Variants in B3GALT1 observed in about 807,000 individuals in gnomAD.
The protein encoded by B3GALT1 is beta-1,3-galactosyltransferase 1, also known as UDP-Gal:betaGlcNAc beta 1,3-galactosyltransferase, polypeptide 1.
A neutral mutation model predicts 23.2 loss-of-function variants in B3GALT1; 10 were observed. The observed-to-expected ratio is 0.43, with a 90% CI of 0.27 to 0.73. The LOEUF is 0.73. B3GALT1 is among the 30% of genes least tolerant of loss of function. The probability of loss-of-function intolerance (pLI) is 0.21; values close to 1 mark genes in which losing one functional copy is unlikely to be tolerated. For synonymous variants in B3GALT1, 156 were observed against 141.5 expected (o/e 1.10, Z -0.73); for missense variants, 299 against 405.4 (o/e 0.74, Z 2.25).
chr2:167,514,485 G>A (rs1464633956), intron 2 of B3GALT1, among the ~76,000 whole-genome samples: 1 of 151,970 alleles, frequency 6.6e-6, no homozygotes, highest in Admixed American at 6.6e-5. Flanking sequence ...TCCCTTTAAT[G>A]TCCCCCATTG....
chr2:167,408,243 A>G (rs1698337035), intron 1 of B3GALT1, among the ~76,000 whole-genome samples: 1 of 152,236 alleles, frequency 6.6e-6, no homozygotes, highest in African/African-American at 2.4e-5. Context: ...AATGCAATAT[A>G]TCACATTAAC....
intron 1 of B3GALT1, among the ~76,000 whole-genome samples, chr2:167,322,272 T>G (rs1696825943): frequency 6.6e-6 from 1 of 151,544 alleles, no homozygotes; most frequent in African/African-American, 2.4e-5. Flanking sequence ...AGAACATTCC[T>G]AAAAATATAT....
At chr2:167,568,972 A>G (rs951521401) in intron 2 of B3GALT1, among the ~76,000 whole-genome samples, 2 of 151,966 alleles carry the variant, frequency 1.3e-5, no homozygotes, top group Non-Finnish European at 2.9e-5. Flanking sequence ...CCATTTGTTG[A>G]AAAGACCATC....
intron 1 of B3GALT1, among the ~76,000 whole-genome samples, chr2:167,443,423 A>T (rs911718160): frequency 8.5e-5 from 13 of 152,148 alleles, no homozygotes; most frequent in East Asian, 1.9e-4. Flanking sequence ...AAGTCATCGG[A>T]AGCTTGATGG....
At chr2:167,731,014 A>G (rs1298050399) in intron 3 of B3GALT1, among the ~76,000 whole-genome samples, 1 of 152,204 alleles carries the variant, frequency 6.6e-6, no homozygotes, top group Admixed American at 6.5e-5. Context: ...GTAAGAGATC[A>G]TGTAAGCCCC....
At chr2:167,837,734 GCACCA>G (rs1285372122) in intron 4 of B3GALT1, among the ~76,000 whole-genome samples, 1 of 145,946 alleles carries the variant, frequency 6.9e-6, no homozygotes, top group Admixed American at 6.9e-5. Context: ...ATTTTTTTCA[GCACCA>G]CACCACACCT....
intron 3 of B3GALT1, among the ~76,000 whole-genome samples, chr2:167,733,066 A>G (rs1454928891): frequency 2.0e-5 from 3 of 152,212 alleles, no homozygotes; most frequent in African/African-American, 7.2e-5. Context: ...AAATCTAACC[A>G]TCGGGGGTTT....
intron 1 of B3GALT1, among the ~76,000 whole-genome samples, chr2:167,367,467 G>A (rs560732065): frequency 2.0e-5 from 3 of 152,212 alleles, no homozygotes; most frequent in East Asian, 1.9e-4. Flanking sequence ...CCTCTCATTC[G>A]TATTACCATA....
At chr2:167,451,051 G>T (rs1399417020) in intron 1 of B3GALT1, among the ~76,000 whole-genome samples, 1 of 151,832 alleles carries the variant, frequency 6.6e-6, no homozygotes, top group African/African-American at 2.4e-5. Context: ...AGTTGTGATT[G>T]TTTTTATTTA....
chr2:167,812,004 G>A (rs756578223), intron 3 of B3GALT1, among the ~76,000 whole-genome samples: 1 of 152,042 alleles, frequency 6.6e-6, no homozygotes, highest in Non-Finnish European at 1.5e-5. Flanking sequence ...CTATTCTCTC[G>A]CCCATTTTCC....
At chr2:167,304,174 C>T (rs1696507217) in intron 1 of B3GALT1, among the ~76,000 whole-genome samples, 2 of 152,146 alleles carry the variant, frequency 1.3e-5, no homozygotes. Context: ...GCAATTTCAG[C>T]CCTGCAGATA....
chr2:167,850,283 A>C (rs71430603), intron 4 of B3GALT1, among the ~76,000 whole-genome samples: 5,555 of 152,338 alleles, frequency 0.036, 154 homozygotes, highest in East Asian at 0.13. Context: ...GCCAACAAGC[A>C]TATGAAAAAA....
chr2:167,849,841 G>C (rs1402862585), intron 4 of B3GALT1, among the ~76,000 whole-genome samples: 1 of 145,388 alleles, frequency 6.9e-6, no homozygotes, highest in Non-Finnish European at 1.5e-5. Flanking sequence ...AGTGAGCCGA[G>C]ATCGCGCCAC....
intron 2 of B3GALT1, among the ~76,000 whole-genome samples, chr2:167,568,935 G>C (rs1401423926): frequency 6.6e-6 from 1 of 151,822 alleles, no homozygotes; most frequent in Non-Finnish European, 1.5e-5. Context: ...TCATTGTTTT[G>C]CACGTGGATG....
rs186567040 is a variant in B3GALT1, at chr2:167,461,462, G to A, written c.-510-28715G>A. Among the ~76,000 whole-genome samples the A allele has an allele frequency of 5.5e-3, 834 of 152,206 alleles. 6 individuals carry two copies. Among genetic ancestry groups the A allele is most frequent in the Non-Finnish European group, 9.2e-3 (625 of 68,000 alleles). On this transcript the variant is annotated intron_variant, in intron 1 of 4. Coordinates refer to ENST00000392690, the MANE Select transcript of B3GALT1 (RefSeq NM_020981.4). ...TGCTTCCTACTTCACCATCTTTCTA[G>A]AACCCTCTCACCTCTGTGCACAGTA...
intron 3 of B3GALT1, among the ~76,000 whole-genome samples, chr2:167,766,892 G>A (rs1374245487): frequency 1.3e-5 from 2 of 152,142 alleles, no homozygotes; most frequent in African/African-American, 4.8e-5. Context: ...CCCAAAAACT[G>A]TTGTCATGAC....
chr2:167,446,003 G>A (rs1006281435), intron 1 of B3GALT1, among the ~76,000 whole-genome samples: 2 of 152,152 alleles, frequency 1.3e-5, no homozygotes, highest in African/African-American at 4.8e-5. Flanking sequence ...GGCTGGTACT[G>A]GTTGTTCCTT....
intron 3 of B3GALT1, among the ~76,000 whole-genome samples, chr2:167,651,208 C>T (rs1685858181): frequency 6.7e-6 from 1 of 150,146 alleles, no homozygotes; most frequent in East Asian, 2.0e-4. Context: ...TATGAGTATC[C>T]AGATATATTC....
intron 2 of B3GALT1, among the ~76,000 whole-genome samples, chr2:167,573,982 A>G (rs1684341267): frequency 6.6e-6 from 1 of 151,704 alleles, no homozygotes; most frequent in African/African-American, 2.4e-5. Context: ...GAGTAACAAT[A>G]TGGGATCCAA....
Sources: gnomAD v4.1 joint callset for allele counts (sites outside exome capture counted in the v4.1 genomes callset) on GRCh38, gnomAD v4.1.1 for gene constraint, MANE v1.5 for transcripts, NCBI Gene and HGNC (gene_info 2026-07-23, HGNC 2026-07-21) for gene names.